The following ITPR1 variants were observed in gnomAD, a reference collection of about 807,000 sequenced individuals.
ITPR1 encodes the protein inositol 1,4,5-trisphosphate receptor type 1, also known as inositol 1,4,5-trisphosphate-gated calcium channel ITPR1.
Under a neutral mutation model 318.4 loss-of-function variants are expected in ITPR1, and 96 were observed. That is an observed-to-expected ratio of 0.30 (90% CI 0.26 to 0.36). The LOEUF is 0.36. Ranked by LOEUF, ITPR1 falls within the 10% of genes least tolerant of loss-of-function variation. The pLI is 1.00. For missense variants in ITPR1, 2,440 were observed against 3,460.2 expected (o/e 0.71, Z 7.40); for synonymous variants, 1,312 against 1,289.9 (o/e 1.02, Z -0.37).
At chr3:4,523,721 G>A (rs755115681) in intron 4 of ITPR1, among the ~76,000 whole-genome samples, 1 of 152,004 alleles carries the variant, frequency 6.6e-6, no homozygotes, top group South Asian at 2.1e-4. Context: ...ATGTCCTCCG[G>A]GTTCATTCAT....
intron 6 of ITPR1, among the ~76,000 whole-genome samples, chr3:4,640,754 G>A (rs887083707): frequency 4.6e-5 from 7 of 152,232 alleles, no homozygotes; most frequent in East Asian, 1.9e-4. Context: ...GTTGAGAGGT[G>A]CCTGTCCCAG....
At chr3:4,577,938 T>A (rs1385935727) in intron 4 of ITPR1, among the ~76,000 whole-genome samples, 1 of 152,224 alleles carries the variant, frequency 6.6e-6, no homozygotes, top group Non-Finnish European at 1.5e-5. Flanking sequence ...CAATCTTACA[T>A]TACTGCATAA....
At chr3:4,717,343 T>C (rs1402423154) in intron 39 of ITPR1, 24 bp from the exon 40 acceptor site, 1 of 1,572,660 alleles carries the variant, frequency 6.4e-7, no homozygotes, top group African/African-American at 1.3e-5. Flanking sequence ...TCCTTCTCTC[T>C]CTCTCCCCTT....
At chr3:4,766,795 G>T (rs182073073) in intron 45 of ITPR1, 85 bp downstream of exon 45, 37 of 1,091,934 alleles carry the variant, frequency 3.4e-5, no homozygotes, top group Admixed American at 1.4e-4. Context: ...TTACTTCTGT[G>T]CTCTAAAATG....
chr3:4,616,878 G>A (rs1024993875), intron 4 of ITPR1, among the ~76,000 whole-genome samples: 1 of 152,054 alleles, frequency 6.6e-6, no homozygotes, highest in Non-Finnish European at 1.5e-5. Context: ...CATCATGGTG[G>A]GGTCTTGTGA....
intron 3 of ITPR1, among the ~76,000 whole-genome samples, chr3:4,520,779 A>G (rs187231148): frequency 4.5e-4 from 69 of 152,282 alleles, no homozygotes; most frequent in African/African-American, 4.1e-4. Flanking sequence ...TACCATGGAC[A>G]TGGTTATGGG....
Position 4,693,549 on chromosome 3 carries a change from T to A in ITPR1, c.4089T>A (p.Thr1363=). 6.2e-7 allele frequency: 1 copy of A among 1,614,012 alleles called. No homozygotes were observed. Among genetic ancestry groups the A allele is most frequent in the Non-Finnish European group, 8.5e-7 (1 of 1,179,894 alleles). Residue 1363 remains threonine, a synonymous_variant, in exon 33 of 62, where the codon ACT becomes ACA. Coordinates refer to ENST00000649015, the MANE Select transcript of ITPR1 (RefSeq NM_001378452.1). The part of the protein sequence containing the change: ...VFYNDRASFQ[T]LIQMMRSERD... ...ACAACGACAGAGCCTCTTTCCAGAC[T>A]CTGATCCAGATGATGCGGTCAGAAC...
chr3:4,673,682 G>C (rs150140683), intron 21 of ITPR1, among the ~76,000 whole-genome samples: 1 of 151,982 alleles, frequency 6.6e-6, no homozygotes, highest in African/African-American at 2.4e-5. Flanking sequence ...TCCCGGGTTC[G>C]TGCCATTCTC....
chr3:4,766,119 C>T (rs1406762057), intron 44 of ITPR1, among the ~76,000 whole-genome samples: 1 of 152,242 alleles, frequency 6.6e-6, no homozygotes, highest in African/African-American at 2.4e-5. Flanking sequence ...TCATAGGGCT[C>T]TGCCCAGGGG....
rs79567473 is a variant in ITPR1, at chr3:4,661,979, T to C, written c.1252-103T>C. ...TATCATTTTAACTGCAAGATAGCTC[T>C]AGTATCTTGGGATCAGCCAGTGTCT... On this transcript the variant is annotated intron_variant, in intron 14 of 61. Coordinates refer to ENST00000649015, the MANE Select transcript of ITPR1 (RefSeq NM_001378452.1). 2.4e-3 allele frequency: 2,298 copies of C among 944,236 alleles called. 34 individuals carry two copies. The African/African-American group carries it at 0.032, about 13-fold the overall frequency. 58.5% of individuals were successfully genotyped at this position (944,236 alleles called of 1,614,324 possible).
intron 4 of ITPR1, among the ~76,000 whole-genome samples, chr3:4,620,169 C>G (rs766245640): frequency 6.6e-6 from 1 of 152,110 alleles, no homozygotes; most frequent in Non-Finnish European, 1.5e-5. Context: ...TGGAGAGAAG[C>G]CTGGCTGGGG....
intron 60 of ITPR1, 42 bp from the exon 61 acceptor site, chr3:4,836,732 A>G: frequency 7.7e-7 from 1 of 1,300,070 alleles, no homozygotes; most frequent in Non-Finnish European, 9.9e-7. Flanking sequence ...GAAGTGACTC[A>G]GTCTTTTTTT....
At chr3:4,567,138 G>T (rs2087381864) in intron 4 of ITPR1, among the ~76,000 whole-genome samples, 2 of 152,182 alleles carry the variant, frequency 1.3e-5, no homozygotes, top group South Asian at 2.1e-4. Context: ...TATGTGGAAA[G>T]CTCGTAGGGT....
intron 36 of ITPR1, 73 bp downstream of exon 36, chr3:4,703,023 T>C: frequency 1.3e-6 from 2 of 1,516,804 alleles, no homozygotes; most frequent in Non-Finnish European, 1.8e-6. Flanking sequence ...TGCCATTTAT[T>C]GAGCACTCAT....
intron 12 of ITPR1, among the ~76,000 whole-genome samples, chr3:4,657,236 G>T (rs1037365489): frequency 8.6e-5 from 13 of 152,044 alleles, no homozygotes; most frequent in Admixed American, 3.3e-4. Flanking sequence ...GGTTTATTTT[G>T]TTTTAGTTTT....
At chr3:4,796,715 CCTTT>C in intron 53 of ITPR1, among the ~76,000 whole-genome samples, 1 of 152,150 alleles carries the variant, frequency 6.6e-6, no homozygotes, top group South Asian at 2.1e-4. Flanking sequence ...TCCTGCAGTG[CCTTT>C]CTTAGACTTA....
intron 4 of ITPR1, among the ~76,000 whole-genome samples, chr3:4,560,329 TC>T (rs2086550823): frequency 6.6e-6 from 1 of 152,196 alleles, no homozygotes; most frequent in South Asian, 2.1e-4. Context: ...CTCTCTCAGG[TC>T]TCAGAATGTT....
At chr3:4,793,421 G>C (rs978363322) in intron 52 of ITPR1, among the ~76,000 whole-genome samples, 1 of 152,138 alleles carries the variant, frequency 6.6e-6, no homozygotes, top group Non-Finnish European at 1.5e-5. Flanking sequence ...GGATATTTCA[G>C]ATTCCCACAT....
At position 4,627,897 on chromosome 3, in the gene ITPR1, C is replaced by T. The variant is rs2092889162; in HGVS notation, c.279+19C>T. On this transcript the variant is annotated intron_variant, in intron 5 of 61. Coordinates refer to ENST00000649015, the MANE Select transcript of ITPR1 (RefSeq NM_001378452.1). ...ACTGCACGTACGTATTGCCATGGGG[C>T]TGTCGATGGGGCAGTAGTGAGTGGC... The T allele has an allele frequency of 8.6e-6, 13 of 1,517,898 alleles. No individual in the cohort carries two copies. Among genetic ancestry groups the T allele is most frequent in the South Asian group, 1.2e-5 (1 of 86,924 alleles). The allele number at this position is 1,517,898 out of a possible 1,614,324, so 94.0% of individuals were successfully genotyped here.
Sources: gnomAD v4.1 joint callset for allele counts (sites outside exome capture counted in the v4.1 genomes callset) on GRCh38, gnomAD v4.1.1 for gene constraint, MANE v1.5 for transcripts, NCBI Gene and HGNC (gene_info 2026-07-23, HGNC 2026-07-21) for gene names.